Variants in CDH13 observed in about 807,000 individuals in gnomAD.
The protein encoded by CDH13 is cadherin 13, also known as cadherin-13.
In CDH13, 24 loss-of-function variants were observed where a neutral mutation model predicts 63.8. That is an observed-to-expected ratio of 0.38 (90% CI 0.27 to 0.53). CDH13 has a LOEUF of 0.53. Among genes scored for constraint, CDH13 ranks in the 20% least tolerant of loss-of-function variants. The pLI is 0.85. For synonymous variants in CDH13, 503 were observed against 355.3 expected, an observed-to-expected ratio of 1.42 and a Z score of -4.67; for missense variants, 1,049 against 903.1, an observed-to-expected ratio of 1.16 and a Z score of -2.07.
rs1453220587 is a variant in CDH13 at position 83,614,679 on chromosome 16, GGAA to G, written c.1101+12090_1101+12092del. On this transcript the variant is annotated intron_variant, in intron 8 of 13. Coordinates refer to ENST00000567109, the MANE Select transcript of CDH13 (RefSeq NM_001257.5). The stretch of plus-strand genomic sequence containing the variant: ...TTGTTCTAGATTTGAGGGTTGGTCA[GGAA>G]GAAGCTTTCCCCAATCATCATAAAG... Among the ~76,000 whole-genome samples the G allele has an allele frequency of 2.6e-5, 4 of 152,244 alleles. No homozygotes were observed. The East Asian group carries it at 5.8e-4, about 22-fold the overall frequency.
chr16:83,170,485 G>T (rs368188637), intron 4 of CDH13, among the ~76,000 whole-genome samples: 1 of 152,108 alleles, frequency 6.6e-6, no homozygotes, highest in South Asian at 2.1e-4. Context: ...GAGGCAAAGC[G>T]TGAGAAACTC....
At chr16:83,256,158 C>G (rs1440556214) in intron 5 of CDH13, among the ~76,000 whole-genome samples, 1 of 152,108 alleles carries the variant, frequency 6.6e-6, no homozygotes, top group Non-Finnish European at 1.5e-5. Flanking sequence ...ATTAGCCTTC[C>G]AAGTAGTTGG....
chr16:83,735,521 T>A (rs921104939), intron 10 of CDH13: 2 of 152,216 alleles, frequency 1.3e-5, no homozygotes, highest in African/African-American at 4.8e-5. Context: ...GAAACTTTGA[T>A]CAACATCTCC....
chr16:83,041,329 A>C (rs1242618735), intron 3 of CDH13, among the ~76,000 whole-genome samples: 1 of 152,204 alleles, frequency 6.6e-6, no homozygotes, highest in African/African-American at 2.4e-5. Context: ...CATCGTTGCA[A>C]ACATGCAATT....
intron 13 of CDH13, among the ~76,000 whole-genome samples, chr16:83,789,408 G>A (rs1027418628): frequency 4.6e-5 from 7 of 150,832 alleles, no homozygotes; most frequent in Admixed American, 1.3e-4. Context: ...GTGCAAGGGC[G>A]CGATTTTGGC....
intron 7 of CDH13, among the ~76,000 whole-genome samples, chr16:83,519,580 C>A (rs947812385): frequency 5.9e-5 from 9 of 152,134 alleles, no homozygotes; most frequent in Non-Finnish European, 7.4e-5. Flanking sequence ...AGTTTACAGA[C>A]CCTTTGATCA....
At chr16:82,683,886 T>C (rs146320664) in intron 1 of CDH13, among the ~76,000 whole-genome samples, 2,341 of 152,372 alleles carry the variant, frequency 0.015, 36 homozygotes, top group Middle Eastern at 0.031. Context: ...TTGTTTTCTG[T>C]GTTGATAAAA....
intron 1 of CDH13, among the ~76,000 whole-genome samples, chr16:82,771,149 C>G (rs2035246855): frequency 6.6e-6 from 1 of 152,178 alleles, no homozygotes; most frequent in South Asian, 2.1e-4. Context: ...TAATTTTTAA[C>G]AATGCATAAC....
At chr16:83,235,789 G>A (rs2040127125) in intron 5 of CDH13, among the ~76,000 whole-genome samples, 1 of 152,080 alleles carries the variant, frequency 6.6e-6, no homozygotes, top group Non-Finnish European at 1.5e-5. Flanking sequence ...TATTTTAAGT[G>A]TTAATACATA....
In CDH13 at chr16:83,783,425, G is replaced by C; in HGVS notation, c.2087G>C (p.Arg696Pro). 1 of 1,613,972 alleles carries C rather than the reference G, an allele frequency of 6.2e-7. No individual in the cohort carries two copies. The highest frequency in any genetic ancestry group is 8.5e-7 in the Non-Finnish European group (1 of 1,179,868). Reference sequence around the variant, plus strand: ...GACTGCAACGCGGCAGGGGCCCTGCGCTTCAGCCTGCCCTCAGTCCTGCTC... The same window carrying C: ...GACTGCAACGCGGCAGGGGCCCTGCCCTTCAGCCTGCCCTCAGTCCTGCTC... Reference protein sequence around the residue: ...KVDCNAAGALRFSLPSVLLLS... With the variant: ...KVDCNAAGALPFSLPSVLLLS... Residue 696 changes from arginine (R) to proline (P), a missense_variant, in exon 13 of 14, where the codon CGC (arginine) becomes CCC (proline). Transcript: ENST00000567109.
chr16:83,665,450 T>A (rs1913858557), intron 8 of CDH13, among the ~76,000 whole-genome samples: 2 of 152,206 alleles, frequency 1.3e-5, no homozygotes, highest in Non-Finnish European at 2.9e-5. Flanking sequence ...ATTAGACTAT[T>A]GGGAAGAGCC....
At chr16:83,370,285 G>C (rs1405720882) in intron 6 of CDH13, among the ~76,000 whole-genome samples, 1 of 151,864 alleles carries the variant, frequency 6.6e-6, no homozygotes, top group Non-Finnish European at 1.5e-5. Context: ...CTACTCGGGA[G>C]GCTGAGGCAG....
intron 5 of CDH13, among the ~76,000 whole-genome samples, chr16:83,327,894 A>G (rs1353050074): frequency 6.6e-6 from 1 of 152,236 alleles, no homozygotes; most frequent in Non-Finnish European, 1.5e-5. Context: ...GCACTTTGGG[A>G]GTCCGAAGCG....
intron 2 of CDH13, among the ~76,000 whole-genome samples, chr16:83,004,649 C>T (rs1913291452): frequency 1.3e-5 from 2 of 152,072 alleles, no homozygotes; most frequent in Admixed American, 1.3e-4. Flanking sequence ...AGGTGCCCGC[C>T]ACCACACCCA....
chr16:82,995,557 A>C (rs566774298), intron 2 of CDH13, among the ~76,000 whole-genome samples: 14 of 152,304 alleles, frequency 9.2e-5, no homozygotes, highest in African/African-American at 3.4e-4. Flanking sequence ...CACCATTCCA[A>C]TTCTGGACTG....
chr16:83,151,484 A>T (rs544422342), intron 4 of CDH13, among the ~76,000 whole-genome samples: 6 of 152,222 alleles, frequency 3.9e-5, no homozygotes, highest in Non-Finnish European at 5.9e-5. Flanking sequence ...AGACCTGGAA[A>T]CTAGTTATTC....
intron 5 of CDH13, among the ~76,000 whole-genome samples, chr16:83,280,279 T>G (rs990560434): frequency 6.6e-6 from 1 of 152,226 alleles, no homozygotes; most frequent in Admixed American, 6.5e-5. Flanking sequence ...CTAAACTCTT[T>G]TTTGTCATTT....
At chr16:83,508,119 A>AGGGAGGG (rs1567722315) in intron 7 of CDH13, among the ~76,000 whole-genome samples, 3 of 75,540 alleles carry the variant, frequency 4.0e-5, no homozygotes, top group Admixed American at 1.6e-4. Flanking sequence ...AAAAGGAAGG[A>AGGGAGGG]AGGGAGGAAG....
intron 1 of CDH13, among the ~76,000 whole-genome samples, chr16:82,726,161 C>T (rs148895324): frequency 4.5e-4 from 69 of 152,240 alleles, no homozygotes; most frequent in Non-Finnish European, 6.6e-4. Flanking sequence ...TGTGCATGTG[C>T]GCACGGTAGG....
Sources: allele counts gnomAD v4.1 joint callset (sites outside exome capture counted in the v4.1 genomes callset), GRCh38; gene constraint gnomAD v4.1.1; transcripts MANE v1.5; gene names NCBI Gene and HGNC (gene_info 2026-07-23, HGNC 2026-07-21).